Variants in PDE3B observed in about 807,000 individuals in gnomAD.
PDE3B encodes the protein cGMP-inhibited 3',5'-cyclic phosphodiesterase 3B.
PDE3B carries 66 observed loss-of-function variants against 116.8 expected under a neutral mutation model. That is an observed-to-expected ratio of 0.56 (90% CI 0.46 to 0.69). The LOEUF (loss-of-function observed/expected upper bound fraction) is 0.69, where lower values mean the gene tolerates loss of function less well. Ranked by LOEUF, PDE3B falls within the 30% of genes least tolerant of loss-of-function variation. The pLI is 0.00. For missense variants in PDE3B, 1,384 were observed against 1,368.1 expected (o/e 1.01, Z -0.18); for synonymous variants, 595 against 533.6 (o/e 1.12, Z -1.59).
At chr11:14,810,825 A>G (rs1450710439) in intron 5 of PDE3B, among the ~76,000 whole-genome samples, 1 of 146,916 alleles carries the variant, frequency 6.8e-6, no homozygotes, top group Non-Finnish European at 1.5e-5. Flanking sequence ...CCTCTCCAGC[A>G]CCTGTTGTTT....
intron 1 of PDE3B, among the ~76,000 whole-genome samples, chr11:14,661,309 C>T (rs991637091): frequency 8.5e-5 from 13 of 152,076 alleles, no homozygotes; most frequent in Admixed American, 3.3e-4. Flanking sequence ...GAAAATGTGG[C>T]GGTTAAGAGG....
At chr11:14,729,349 A>T (rs1480888650) in intron 1 of PDE3B, among the ~76,000 whole-genome samples, 1 of 152,244 alleles carries the variant, frequency 6.6e-6, no homozygotes, top group African/African-American at 2.4e-5. Context: ...CATTTCAAAG[A>T]TCACATTGTG....
At chr11:14,777,274 C>A (rs894014639) in intron 2 of PDE3B, among the ~76,000 whole-genome samples, 1 of 152,046 alleles carries the variant, frequency 6.6e-6, no homozygotes, top group Non-Finnish European at 1.5e-5. Context: ...AACAAAGAAC[C>A]AACATTTGTA....
At chr11:14,780,509 A>T (rs974693263) in intron 2 of PDE3B, among the ~76,000 whole-genome samples, 2 of 152,200 alleles carry the variant, frequency 1.3e-5, no homozygotes, top group Non-Finnish European at 2.9e-5. Flanking sequence ...GGATTAAGAA[A>T]CTCACTAAAA....
At chr11:14,891,713 G>C in the PDE3B span, 1 of 1,253,178 alleles carries the variant, frequency 8.0e-7, no homozygotes, top group East Asian at 3.9e-5. Flanking sequence ...GAGCTCGAGC[G>C]GTAGCGGGAA....
chr11:14,852,394 A>C (rs917420631), intron 12 of PDE3B, among the ~76,000 whole-genome samples: 3 of 152,190 alleles, frequency 2.0e-5, no homozygotes, highest in African/African-American at 7.2e-5. Context: ...TTCGTAAAGT[A>C]TATCTTCCCT....
intron 10 of PDE3B, among the ~76,000 whole-genome samples, chr11:14,833,823 T>G (rs1317820792): frequency 6.6e-6 from 1 of 152,118 alleles, no homozygotes; most frequent in Non-Finnish European, 1.5e-5. Context: ...CACTTATATA[T>G]TGTGCATTCA....
In PDE3B at chr11:14,871,420, A is replaced by C. The variant is rs1848139463; in HGVS notation, c.*1760A>C. 6.6e-6 allele frequency: 1 copy of C among 151,972 alleles called. No individual in the cohort carries two copies. Among genetic ancestry groups the C allele is most frequent in the Non-Finnish European group, 1.5e-5 (1 of 67,990 alleles). The allele number at this position is 151,972 out of a possible 1,614,324, so 9.4% of individuals were successfully genotyped here. On this transcript the variant is annotated 3_prime_UTR_variant, in exon 16 of 16. Coordinates refer to ENST00000282096, the MANE Select transcript of PDE3B (RefSeq NM_000922.4). ...CTGTCCTTATATTTCTCTAGAGTACATTTTCCATCATGTTTAAGTGTATTT... is the reference window on the plus strand; with the variant it reads ...CTGTCCTTATATTTCTCTAGAGTACCTTTTCCATCATGTTTAAGTGTATTT...
chr11:14,710,431 T>C (rs985877268), intron 1 of PDE3B, among the ~76,000 whole-genome samples: 4 of 152,190 alleles, frequency 2.6e-5, no homozygotes, highest in African/African-American at 7.2e-5. Context: ...GGCACATTAT[T>C]CATCCTGGCC....
the PDE3B span, chr11:14,878,048 C>A: frequency 1.3e-6 from 2 of 1,497,346 alleles, no homozygotes; most frequent in East Asian, 2.3e-5. Context: ...CTAATACACA[C>A]ATTGATTTGA....
intron 12 of PDE3B, among the ~76,000 whole-genome samples, chr11:14,845,691 TGCAGAAGCC>T (rs1358588042): frequency 6.6e-6 from 1 of 152,136 alleles, no homozygotes; most frequent in Non-Finnish European, 1.5e-5. Context: ...ACGTGAAGAA[TGCAGAAGCC>T]TCAGGAGCCG....
chr11:14,673,398 T>C (rs1328287084), intron 1 of PDE3B, among the ~76,000 whole-genome samples: 2 of 151,874 alleles, frequency 1.3e-5, no homozygotes, highest in Non-Finnish European at 2.9e-5. Context: ...GTAGTGACTT[T>C]GAAATTAAAA....
chr11:14,716,349 G>A (rs1425003493), intron 1 of PDE3B, among the ~76,000 whole-genome samples: 1 of 151,916 alleles, frequency 6.6e-6, no homozygotes, highest in African/African-American at 2.4e-5. Context: ...GGGGAGGGGA[G>A]CCCGCCATTG....
chr11:14,657,534 T>C (rs1176971170), intron 1 of PDE3B, among the ~76,000 whole-genome samples: 1 of 152,214 alleles, frequency 6.6e-6, no homozygotes, highest in Admixed American at 6.5e-5. Context: ...TATTTTTCTT[T>C]ACGGGAAAAT....
intron 7 of PDE3B, among the ~76,000 whole-genome samples, chr11:14,826,876 C>A (rs1402028528): frequency 6.6e-6 from 1 of 152,048 alleles, no homozygotes; most frequent in Non-Finnish European, 1.5e-5. Context: ...AAAAACAAAA[C>A]CTCAAGCCAA....
intron 7 of PDE3B, among the ~76,000 whole-genome samples, chr11:14,824,445 C>A (rs568595365): frequency 6.6e-6 from 1 of 152,074 alleles, no homozygotes; most frequent in Non-Finnish European, 1.5e-5. Flanking sequence ...TGAAAAGGAA[C>A]CTAACTGATC....
At chr11:14,667,049 G>T (rs1213772247) in intron 1 of PDE3B, among the ~76,000 whole-genome samples, 1 of 152,114 alleles carries the variant, frequency 6.6e-6, no homozygotes, top group Admixed American at 6.5e-5. Context: ...GTCCAACAAT[G>T]ATAGACTGGA....
chr11:14,806,858 C>CAAAAAAAAAAAAAAAAA (rs953411145), intron 5 of PDE3B, among the ~76,000 whole-genome samples: 3 of 45,906 alleles, frequency 6.5e-5, no homozygotes, highest in East Asian at 7.5e-4. Context: ...GACTCCGTCT[C>CAAAAAAAAAAAAAAAAA]AAAAAAAAAA....
chr11:14,831,356 G>A (rs971526022), intron 8 of PDE3B, among the ~76,000 whole-genome samples: 6 of 151,340 alleles, frequency 4.0e-5, no homozygotes, highest in Admixed American at 1.3e-4. Context: ...GAAAATAATA[G>A]ACTTTGGATT....
Sources: allele counts gnomAD v4.1 joint callset (sites outside exome capture counted in the v4.1 genomes callset), GRCh38; gene constraint gnomAD v4.1.1; transcripts MANE v1.5; gene names NCBI Gene and HGNC (gene_info 2026-07-23, HGNC 2026-07-21).